The following DNAH6 variants were observed in gnomAD, a reference collection of about 807,000 sequenced individuals.
DNAH6 encodes the protein axonemal beta dynein heavy chain 6.
DNAH6 carries 340 observed loss-of-function variants against 491.4 expected under a neutral mutation model. The ratio of observed to expected loss-of-function variants is 0.69; its 90% CI spans 0.63 to 0.76. The LOEUF is 0.76. Among genes scored for constraint, DNAH6 ranks in the 30% least tolerant of loss-of-function variants. The pLI, the probability that DNAH6 is intolerant of heterozygous loss-of-function variation, is 0.00. For synonymous variants in DNAH6, 1,603 were observed against 1,686.1 expected, an observed-to-expected ratio of 0.95 and a Z score of 1.21; for missense variants, 4,443 against 4,972.2, an observed-to-expected ratio of 0.89 and a Z score of 3.20.
At chr2:84,576,989 T>C (rs1682510373) in intron 12 of DNAH6, among the ~76,000 whole-genome samples, 1 of 152,176 alleles carries the variant, frequency 6.6e-6, no homozygotes, top group Non-Finnish European at 1.5e-5. Flanking sequence ...TCTAATGCAC[T>C]TACAAGTTAT....
intron 26 of DNAH6, among the ~76,000 whole-genome samples, chr2:84,622,567 C>G (rs761456535): frequency 6.6e-6 from 1 of 152,048 alleles, no homozygotes. Context: ...TCTCTTTATC[C>G]GTTCATCCAT....
chr2:84,751,736 A>C (rs1673492341), intron 63 of DNAH6, among the ~76,000 whole-genome samples: 2 of 152,220 alleles, frequency 1.3e-5, no homozygotes, highest in Admixed American at 6.5e-5. Context: ...CAAGTTCTCT[A>C]CACCAGTGTT....
At chr2:84,705,804 T>C (rs1485454556) in intron 52 of DNAH6, 57 bp downstream of exon 52, 2 of 1,495,686 alleles carry the variant, frequency 1.3e-6, no homozygotes, top group Admixed American at 4.7e-5. Context: ...CGCCAGTCAT[T>C]TCAAGTTCTC....
intron 1 of DNAH6, among the ~76,000 whole-genome samples, chr2:84,517,274 A>G (rs1233851422): frequency 6.6e-6 from 1 of 152,214 alleles, no homozygotes; most frequent in Admixed American, 6.5e-5. Flanking sequence ...CTCAAAGTGT[A>G]TGAATCAGAA....
chr2:84,665,643 G>A (rs778597197), intron 37 of DNAH6, among the ~76,000 whole-genome samples: 6 of 152,040 alleles, frequency 3.9e-5, no homozygotes, highest in Non-Finnish European at 1.5e-5. Flanking sequence ...AGGACCAGAC[G>A]GATTCACAGC....
chr2:84,791,773 A>G (rs1234984477), intron 68 of DNAH6, among the ~76,000 whole-genome samples: 3 of 152,016 alleles, frequency 2.0e-5, no homozygotes, highest in Middle Eastern at 3.4e-3. Flanking sequence ...TAAAAAAGAT[A>G]GGAGTAAAAA....
At chr2:84,633,900 C>A (rs1395103951) in intron 29 of DNAH6, among the ~76,000 whole-genome samples, 1 of 152,066 alleles carries the variant, frequency 6.6e-6, no homozygotes, top group East Asian at 1.9e-4. Context: ...ACCACTAGTT[C>A]TATTACTAAA....
chr2:84,620,868 G>A (rs373648121), intron 24 of DNAH6, among the ~76,000 whole-genome samples: 1 of 152,266 alleles, frequency 6.6e-6, no homozygotes, highest in Middle Eastern at 3.4e-3. Flanking sequence ...TCAGTTGGGA[G>A]GACATGGGAA....
At chr2:84,504,927 G>GA in the DNAH6 span, among the ~76,000 whole-genome samples, 3 of 152,146 alleles carry the variant, frequency 2.0e-5, no homozygotes, top group Non-Finnish European at 2.9e-5. Context: ...GGATTGTATT[G>GA]AATCTGTACA....
chr2:84,700,734 A>G (rs1707117212), intron 48 of DNAH6, among the ~76,000 whole-genome samples: 1 of 152,212 alleles, frequency 6.6e-6, no homozygotes, highest in Non-Finnish European at 1.5e-5. Flanking sequence ...ATAATGATGG[A>G]CGTGAGGTCC....
chr2:84,741,684 C>G (rs1672539591), intron 62 of DNAH6, among the ~76,000 whole-genome samples: 1 of 152,204 alleles, frequency 6.6e-6, no homozygotes, highest in African/African-American at 2.4e-5. Context: ...TCTCCCCTCT[C>G]CCTCCCTGGA....
At chr2:84,632,891 C>T (rs1378181739) in intron 29 of DNAH6, among the ~76,000 whole-genome samples, 3 of 152,162 alleles carry the variant, frequency 2.0e-5, no homozygotes, top group Admixed American at 2.0e-4. Flanking sequence ...TCCACTTTCT[C>T]CAAAGTTGCC....
At chr2:84,614,955 T>C (rs7604796) in intron 22 of DNAH6, among the ~76,000 whole-genome samples, 27,129 of 152,024 alleles carry the variant, frequency 0.18, 4,523 homozygotes, top group African/African-American at 0.44. Context: ...TGAAGATTTT[T>C]TCCCACTCTG....
At chr2:84,808,377 A>G (rs1014666518) in intron 71 of DNAH6, 38 bp from the exon 72 acceptor site, 14 of 1,475,058 alleles carry the variant, frequency 9.5e-6, no homozygotes, top group African/African-American at 2.9e-5. Context: ...GAACAAATCA[A>G]TGGTGACTGG....
At chr2:84,713,334 C>A in intron 57 of DNAH6, 75 bp downstream of exon 57, 1 of 1,448,200 alleles carries the variant, frequency 6.9e-7, no homozygotes, top group South Asian at 1.3e-5. Context: ...GTTTGATGGG[C>A]TCCCACCCGG....
chr2:84,597,435 C>A (rs993221630), intron 18 of DNAH6, among the ~76,000 whole-genome samples: 1 of 152,168 alleles, frequency 6.6e-6, no homozygotes, highest in African/African-American at 2.4e-5. Flanking sequence ...TGGCTATGAT[C>A]AAAGAGACAG....
At chr2:84,687,761 C>T (rs755669702) in intron 44 of DNAH6, among the ~76,000 whole-genome samples, 77 of 152,010 alleles carry the variant, frequency 5.1e-4, no homozygotes, top group South Asian at 2.1e-3. Flanking sequence ...TAGATTAAAA[C>T]AAGGACTCGA....
In DNAH6 at chr2:84,528,967, G is replaced by C; in HGVS notation, c.463G>C (p.Gly155Arg). 1.3e-6 allele frequency: 2 copies of C among 1,549,570 alleles called. No individual in the cohort carries two copies. Among genetic ancestry groups the C allele is most frequent in the Non-Finnish European group, 1.7e-6 (2 of 1,146,400 alleles). Reference sequence around the variant, plus strand: ...TCCTAAACTGCCACATACTGGTATTGGAAAAAGAGGTCTCTTTGGGACTAG... The same window carrying C: ...TCCTAAACTGCCACATACTGGTATTCGAAAAAGAGGTCTCTTTGGGACTAG... Reference protein sequence around the residue: ...SPPKLPHTGIGKRGLFGTRSS... With the variant: ...SPPKLPHTGIRKRGLFGTRSS... Residue 155 changes from glycine to arginine, a missense_variant, in exon 4 of 77, where the codon GGA (glycine) becomes CGA (arginine). Coordinates refer to ENST00000389394, the MANE Select transcript of DNAH6 (RefSeq NM_001370.2).
intron 40 of DNAH6, among the ~76,000 whole-genome samples, chr2:84,672,810 G>T (rs190468111): frequency 7.9e-5 from 12 of 152,130 alleles, no homozygotes; most frequent in Non-Finnish European, 1.2e-4. Context: ...CTCTTTATTT[G>T]GACTATCTCC....
Sources: gnomAD v4.1 joint callset for allele counts (sites outside exome capture counted in the v4.1 genomes callset) on GRCh38, gnomAD v4.1.1 for gene constraint, MANE v1.5 for transcripts, NCBI Gene and HGNC (gene_info 2026-07-23, HGNC 2026-07-21) for gene names.